ARHGAP24: variants seen among roughly 807,000 people sequenced by gnomAD.
ARHGAP24 encodes Rho GTPase activating protein 24.
A neutral mutation model predicts 76.4 loss-of-function variants in ARHGAP24; 50 were observed. The ratio of observed to expected loss-of-function variants is 0.65; its 90% CI spans 0.52 to 0.83. The LOEUF is 0.83. ARHGAP24 is among the 40% of genes least tolerant of loss of function. The probability of loss-of-function intolerance (pLI) is 0.00; values close to 1 mark genes in which losing one functional copy is unlikely to be tolerated. For missense variants in ARHGAP24, 930 were observed against 914.2 expected (o/e 1.02, Z -0.22); for synonymous variants, 345 against 323.3 (o/e 1.07, Z -0.72).
intron 1 of ARHGAP24, among the ~76,000 whole-genome samples, chr4:85,568,674 G>C (rs1206308111): frequency 6.6e-6 from 1 of 152,158 alleles, no homozygotes; most frequent in Non-Finnish European, 1.5e-5. Flanking sequence ...CCTGAGGGGA[G>C]AGTGTTTTCT....
intron 2 of ARHGAP24, among the ~76,000 whole-genome samples, chr4:85,595,026 A>C (rs556080223): frequency 2.2e-4 from 34 of 151,430 alleles, no homozygotes; most frequent in Middle Eastern, 3.4e-3. Context: ...CCTTCACCAT[A>C]TTGCTATTCT....
intron 3 of ARHGAP24, among the ~76,000 whole-genome samples, chr4:85,762,922 A>G (rs1214120616): frequency 6.6e-6 from 1 of 152,188 alleles, no homozygotes; most frequent in Non-Finnish European, 1.5e-5. Flanking sequence ...TAAAACAAAG[A>G]ATCTATTATT....
At chr4:85,632,658 C>CTGCCAA (rs369508262) in intron 2 of ARHGAP24, among the ~76,000 whole-genome samples, 35 of 150,316 alleles carry the variant, frequency 2.3e-4, no homozygotes, top group African/African-American at 8.0e-4. Context: ...TGCAGTCTAG[C>CTGCCAA]TGCCAAGTCT....
intron 3 of ARHGAP24, among the ~76,000 whole-genome samples, chr4:85,843,889 G>T (rs1266513315): frequency 1.3e-5 from 2 of 151,962 alleles, no homozygotes; most frequent in East Asian, 1.9e-4. Context: ...ACTATATGGG[G>T]TTTTCTTTAC....
At chr4:85,567,105 T>A (rs891495354) in intron 1 of ARHGAP24, among the ~76,000 whole-genome samples, 1 of 152,184 alleles carries the variant, frequency 6.6e-6, no homozygotes, top group Non-Finnish European at 1.5e-5. Flanking sequence ...TTATAGGCCA[T>A]GGTAAGACTC....
At chr4:85,577,031 TAC>T (rs1727405959) in intron 2 of ARHGAP24, among the ~76,000 whole-genome samples, 1 of 151,782 alleles carries the variant, frequency 6.6e-6, no homozygotes, top group Non-Finnish European at 1.5e-5. Flanking sequence ...AAAGCAATGA[TAC>T]ATGGTAAGCA....
chr4:85,665,746 A>C (rs1316857073), intron 2 of ARHGAP24, among the ~76,000 whole-genome samples: 3 of 152,108 alleles, frequency 2.0e-5, no homozygotes, highest in Admixed American at 2.0e-4. Flanking sequence ...GCTTGTCTGT[A>C]AAGGATTTTA....
intron 1 of ARHGAP24, among the ~76,000 whole-genome samples, chr4:85,477,942 C>A (rs774948644): frequency 1.3e-5 from 2 of 152,306 alleles, no homozygotes; most frequent in Admixed American, 6.5e-5. Flanking sequence ...GTGAAGGGTT[C>A]TTTTCTCATG....
At chr4:85,918,711 AG>A (rs553922028) in intron 3 of ARHGAP24, among the ~76,000 whole-genome samples, 1 of 152,138 alleles carries the variant, frequency 6.6e-6, no homozygotes, top group Admixed American at 6.5e-5. Flanking sequence ...TTTTTAAGAA[AG>A]AAAAATTTAT....
At chr4:85,630,909 G>A (rs1721136456) in intron 2 of ARHGAP24, among the ~76,000 whole-genome samples, 1 of 151,978 alleles carries the variant, frequency 6.6e-6, no homozygotes, top group South Asian at 2.1e-4. Context: ...TAGTCTTTGT[G>A]ATACATAGTG....
At chr4:85,854,888 T>G (rs576022408) in intron 3 of ARHGAP24, among the ~76,000 whole-genome samples, 2 of 152,340 alleles carry the variant, frequency 1.3e-5, no homozygotes, top group East Asian at 3.9e-4. Context: ...CAAAAATACT[T>G]GGTAACTCTA....
chr4:85,733,126 C>T (rs911899507), intron 3 of ARHGAP24, among the ~76,000 whole-genome samples: 3 of 118,554 alleles, frequency 2.5e-5, no homozygotes, highest in South Asian at 3.0e-4. Flanking sequence ...TGCAGTGGCA[C>T]GATCTCAGCT....
At chr4:85,791,695 A>G (rs1728135687) in intron 3 of ARHGAP24, among the ~76,000 whole-genome samples, 1 of 152,224 alleles carries the variant, frequency 6.6e-6, no homozygotes, top group Admixed American at 6.5e-5. Context: ...TTGAGTGACT[A>G]TGATGAGCTA....
chr4:85,552,798 T>C (rs866644952), intron 1 of ARHGAP24, among the ~76,000 whole-genome samples: 1 of 152,208 alleles, frequency 6.6e-6, no homozygotes, highest in African/African-American at 2.4e-5. Flanking sequence ...TTAAAAAATC[T>C]TTTTTGGTTT....
At chr4:85,846,998 A>G (rs1730931676) in intron 3 of ARHGAP24, among the ~76,000 whole-genome samples, 1 of 152,214 alleles carries the variant, frequency 6.6e-6, no homozygotes, top group African/African-American at 2.4e-5. Context: ...TTGAGTGCCA[A>G]CTGGTTCTAT....
At chr4:85,743,379 C>T (rs79597958) in intron 3 of ARHGAP24, among the ~76,000 whole-genome samples, 13 of 117,674 alleles carry the variant, frequency 1.1e-4, no homozygotes, top group African/African-American at 4.0e-4. Context: ...GACGCCAAGG[C>T]GGGATCCCAT....
intron 8 of ARHGAP24, among the ~76,000 whole-genome samples, chr4:85,987,531 C>T (rs562822371): frequency 6.6e-6 from 1 of 151,988 alleles, no homozygotes; most frequent in South Asian, 2.1e-4. Flanking sequence ...TTTCTGATAG[C>T]AGACAAGGAT....
chr4:85,754,686 G>T (rs1406283807), intron 3 of ARHGAP24, among the ~76,000 whole-genome samples: 1 of 152,152 alleles, frequency 6.6e-6, no homozygotes, highest in Admixed American at 6.5e-5. Flanking sequence ...GTCTAAGTTT[G>T]GTTCTTGACA....
chr4:85,677,989 G>A (rs1384143496), intron 2 of ARHGAP24, among the ~76,000 whole-genome samples: 1 of 151,826 alleles, frequency 6.6e-6, no homozygotes, highest in African/African-American at 2.4e-5. Context: ...GTAGTGAACT[G>A]TGATTGTACT....
Sources: allele counts gnomAD v4.1 joint callset (sites outside exome capture counted in the v4.1 genomes callset), GRCh38; gene constraint gnomAD v4.1.1; transcripts MANE v1.5; gene names NCBI Gene and HGNC (gene_info 2026-07-23, HGNC 2026-07-21).